ASIC2: variants seen among roughly 807,000 people sequenced by gnomAD.
ASIC2 encodes acid sensing ion channel subunit 2.
ASIC2 carries 25 observed loss-of-function variants against 57.3 expected under a neutral mutation model. That is an observed-to-expected ratio of 0.44 (90% CI 0.32 to 0.61). The LOEUF (loss-of-function observed/expected upper bound fraction) is 0.61. Among genes scored for constraint, ASIC2 ranks in the 20% least tolerant of loss-of-function variants. The pLI is 0.06. For missense variants in ASIC2, 641 were observed against 738.1 expected (o/e 0.87, Z 1.52); for synonymous variants, 319 against 307.5 (o/e 1.04, Z -0.39).
chr17:33,901,517 T>C (rs1915231481), intron 1 of ASIC2, among the ~76,000 whole-genome samples: 1 of 152,176 alleles, frequency 6.6e-6, no homozygotes, highest in Non-Finnish European at 1.5e-5. Context: ...ACCTACCATA[T>C]GCCTGGAAGC....
chr17:33,423,430 T>C (rs183287420), intron 1 of ASIC2, among the ~76,000 whole-genome samples: 125 of 152,340 alleles, frequency 8.2e-4, no homozygotes, highest in Admixed American at 1.1e-3. Context: ...AATGTGTATT[T>C]CATAGAAATG....
chr17:33,169,557 A>G (rs149670659), intron 1 of ASIC2, among the ~76,000 whole-genome samples: 1,568 of 152,338 alleles, frequency 0.01, 21 homozygotes, highest in South Asian at 0.027. Context: ...GTACCCAAAT[A>G]AAACAGCTAG....
intron 1 of ASIC2, among the ~76,000 whole-genome samples, chr17:34,140,136 A>C (rs1416152060): frequency 6.6e-6 from 1 of 152,242 alleles, no homozygotes; most frequent in Non-Finnish European, 1.5e-5. Flanking sequence ...CAGAGTGCAC[A>C]CAAGGAGGGC....
intron 1 of ASIC2, among the ~76,000 whole-genome samples, chr17:33,433,173 G>A (rs1194443023): frequency 6.6e-6 from 1 of 152,090 alleles, no homozygotes; most frequent in Non-Finnish European, 1.5e-5. Flanking sequence ...ATAGTAGACT[G>A]GATAAAGAAA....
intron 1 of ASIC2, among the ~76,000 whole-genome samples, chr17:33,162,777 G>A (rs145883718): frequency 1.8e-4 from 27 of 152,314 alleles, no homozygotes; most frequent in African/African-American, 4.6e-4. Flanking sequence ...GAGTGGAGTA[G>A]GTAGGGGGCC....
chr17:33,835,916 GGGATTACA>G (rs1194459934), intron 1 of ASIC2, among the ~76,000 whole-genome samples: 3 of 151,076 alleles, frequency 2.0e-5, no homozygotes, highest in South Asian at 4.2e-4. Context: ...CCAAATTGCT[GGGATTACA>G]GGTGCAAGTC....
At chr17:33,666,109 T>C (rs1329082102) in intron 1 of ASIC2, among the ~76,000 whole-genome samples, 1 of 152,172 alleles carries the variant, frequency 6.6e-6, no homozygotes, top group Non-Finnish European at 1.5e-5. Context: ...TTTGCCCATT[T>C]TCCCCCCACA....
At chr17:33,584,944 C>T (rs944381508) in intron 1 of ASIC2, among the ~76,000 whole-genome samples, 2 of 152,006 alleles carry the variant, frequency 1.3e-5, no homozygotes, top group African/African-American at 2.4e-5. Flanking sequence ...GGAGGGAAAA[C>T]GTCAGAGAAG....
In ASIC2 at chr17:33,015,924, A is replaced by G. The variant is rs112529854; in HGVS notation, c.1590+47T>C. On this transcript the variant is annotated intron_variant, in intron 9 of 9. Transcript: ENST00000225823. ...CAGCATCTGGTTTTGTACTGCCGGT[A>G]CAAGCCAGAGCAGCAGAACAACTTC... 1.3e-4 allele frequency: 211 copies of G among 1,603,264 alleles called. 2 individuals carry two copies. In the African/African-American group the frequency reaches 2.1e-3, roughly 16 times the overall value.
chr17:33,758,794 C>A (rs978408420), intron 1 of ASIC2, among the ~76,000 whole-genome samples: 2 of 151,978 alleles, frequency 1.3e-5, no homozygotes, highest in South Asian at 4.2e-4. Flanking sequence ...AAGGCTCCCA[C>A]CAGATGTGGC....
chr17:33,846,737 T>G (rs1913616712), intron 1 of ASIC2, among the ~76,000 whole-genome samples: 1 of 152,104 alleles, frequency 6.6e-6, no homozygotes, highest in East Asian at 1.9e-4. Flanking sequence ...TTTTTTTTTT[T>G]TTTTTGAGAC....
intron 1 of ASIC2, among the ~76,000 whole-genome samples, chr17:33,564,724 C>T (rs1332756387): frequency 6.6e-6 from 1 of 152,182 alleles, no homozygotes; most frequent in Non-Finnish European, 1.5e-5. Context: ...ATCTCTGCAG[C>T]ACTGTAACAT....
In ASIC2 at chr17:33,096,607, G is replaced by A. The variant is rs191424739; in HGVS notation, c.860-7617C>T. On this transcript the variant is annotated intron_variant, in intron 2 of 9. Transcript: ENST00000225823. ...AAGTCTCTGTCCTCCTGGAGCTCAT[G>A]TTCTGATGGGGGAGGTGGACGATAA... Among the ~76,000 whole-genome samples the A allele has an allele frequency of 2.3e-3, 345 of 152,298 alleles. 3 individuals carry two copies. The highest frequency in any genetic ancestry group is 8.0e-3 in the African/African-American group (332 of 41,566).
intron 1 of ASIC2, among the ~76,000 whole-genome samples, chr17:33,470,794 G>A (rs1913023818): frequency 6.6e-6 from 1 of 152,188 alleles, no homozygotes. Context: ...ATAAGGACAT[G>A]CCAGAGGAGT....
chr17:33,934,272 G>C (rs1466521914), intron 1 of ASIC2, among the ~76,000 whole-genome samples: 1 of 152,178 alleles, frequency 6.6e-6, no homozygotes, highest in African/African-American at 2.4e-5. Flanking sequence ...CCTTCTCCTT[G>C]CTCACCCAGA....
At chr17:33,398,459 T>C (rs1910159111) in intron 1 of ASIC2, among the ~76,000 whole-genome samples, 1 of 152,202 alleles carries the variant, frequency 6.6e-6, no homozygotes, top group African/African-American at 2.4e-5. Context: ...TTGGTGATGA[T>C]GGTAGCAGTC....
intron 1 of ASIC2, among the ~76,000 whole-genome samples, chr17:33,196,112 T>G (rs1308823352): frequency 6.6e-6 from 1 of 152,222 alleles, no homozygotes; most frequent in African/African-American, 2.4e-5. Flanking sequence ...GAGTGAGCCC[T>G]CAGTGAAAGG....
chr17:34,113,341 G>T (rs965261754), intron 1 of ASIC2, among the ~76,000 whole-genome samples: 4 of 152,182 alleles, frequency 2.6e-5, no homozygotes, highest in Non-Finnish European at 5.9e-5. Context: ...CAGGAGGATT[G>T]CTTGAGCTCA....
chr17:33,864,412 C>T (rs1020121700), intron 1 of ASIC2, among the ~76,000 whole-genome samples: 7 of 152,138 alleles, frequency 4.6e-5, no homozygotes, highest in Non-Finnish European at 1.0e-4. Flanking sequence ...TTAAGCCCAG[C>T]CACCTATTTG....
Sources: allele counts gnomAD v4.1 joint callset (sites outside exome capture counted in the v4.1 genomes callset), GRCh38; gene constraint gnomAD v4.1.1; transcripts MANE v1.5; gene names NCBI Gene and HGNC (gene_info 2026-07-23, HGNC 2026-07-21).